Variants in DAB1 observed in about 807,000 individuals in gnomAD.
DAB1 encodes DAB adaptor protein 1.
DAB1 carries 15 observed loss-of-function variants against 64.6 expected under a neutral mutation model. The observed-to-expected ratio is 0.23, with a 90% CI of 0.16 to 0.36. The LOEUF (loss-of-function observed/expected upper bound fraction) is 0.36. Ranked by LOEUF, DAB1 falls within the 10% of genes least tolerant of loss-of-function variation. The probability of loss-of-function intolerance (pLI) is 1.00; values close to 1 mark genes in which losing one functional copy is unlikely to be tolerated. For missense variants in DAB1, 596 were observed against 706.7 expected (o/e 0.84, Z 1.78); for synonymous variants, 235 against 251.9 (o/e 0.93, Z 0.64).
At chr1:57,562,296 C>T (rs1645061948) in intron 7 of DAB1, among the ~76,000 whole-genome samples, 1 of 152,198 alleles carries the variant, frequency 6.6e-6, no homozygotes, top group Non-Finnish European at 1.5e-5. Flanking sequence ...TCGCTTGGAC[C>T]AGGGAGACAG....
intron 4 of DAB1, among the ~76,000 whole-genome samples, chr1:57,107,759 A>T (rs1200457057): frequency 2.0e-5 from 3 of 152,204 alleles, no homozygotes; most frequent in African/African-American, 7.2e-5. Flanking sequence ...ACACTAAAGT[A>T]TATAGTCCTA....
chr1:58,259,733 C>T (rs1661007871), intron 4 of DAB1, among the ~76,000 whole-genome samples: 2 of 152,176 alleles, frequency 1.3e-5, no homozygotes, highest in Admixed American at 6.5e-5. Context: ...ATGATTTTGA[C>T]AGACTCTTCC....
At chr1:58,518,744 A>C (rs1217622268) in intron 2 of DAB1, among the ~76,000 whole-genome samples, 1 of 152,190 alleles carries the variant, frequency 6.6e-6, no homozygotes, top group Non-Finnish European at 1.5e-5. Context: ...GGAGAAATTA[A>C]GAATTTAATA....
At chr1:57,425,853 T>C (rs1326831721), upstream of DAB1, among the ~76,000 whole-genome samples, 1 of 152,144 alleles carries the variant, frequency 6.6e-6, no homozygotes, top group East Asian at 1.9e-4. Flanking sequence ...GTGGGGACAA[T>C]TGACACCAGA....
chr1:58,239,627 C>T (rs374239272), intron 4 of DAB1, among the ~76,000 whole-genome samples: 2 of 152,092 alleles, frequency 1.3e-5, no homozygotes, highest in Non-Finnish European at 2.9e-5. Flanking sequence ...TACCAGGGGA[C>T]CCTTTTCGCA....
chr1:58,376,666 G>T (rs1644330525), intron 3 of DAB1, among the ~76,000 whole-genome samples: 1 of 141,988 alleles, frequency 7.0e-6, no homozygotes, highest in African/African-American at 2.6e-5. Context: ...TTGATTTGGG[G>T]TGGAGAGTTC....
rs867763030 is a variant in DAB1, at chr1:57,423,581, A to C, written c.-137+349T>G. 2.6e-5 allele frequency among the ~76,000 whole-genome samples: 4 copies of C among 151,940 alleles called. No individual in the cohort carries two copies. In the Middle Eastern group the frequency reaches 0.01, roughly 388 times the overall value. On this transcript the variant is annotated intron_variant, in intron 1 of 14. Transcript: ENST00000371236. ...CCGATATAGCCAGGACCGCAGGAGG[A>C]AAGAGGGCGCAGGGGGTCTTGGAGA...
intron 1 of DAB1, among the ~76,000 whole-genome samples, chr1:57,327,221 G>T (rs538923013): frequency 2.0e-5 from 3 of 152,046 alleles, no homozygotes; most frequent in African/African-American, 7.2e-5. Flanking sequence ...GATTGCAGGC[G>T]TGAGCTACAA....
At chr1:57,563,049 C>A (rs1645071601) in intron 7 of DAB1, among the ~76,000 whole-genome samples, 1 of 152,104 alleles carries the variant, frequency 6.6e-6, no homozygotes, top group Non-Finnish European at 1.5e-5. Context: ...CCAATCTGGG[C>A]AGGACTACAA....
At chr1:58,329,475 AC>A (rs1662921836) in intron 4 of DAB1, among the ~76,000 whole-genome samples, 1 of 152,278 alleles carries the variant, frequency 6.6e-6, no homozygotes, top group African/African-American at 2.4e-5. Context: ...ATGTAATCTC[AC>A]TTGTGTTATA....
chr1:58,358,580 G>A (rs1481344151), intron 3 of DAB1, among the ~76,000 whole-genome samples: 1 of 152,066 alleles, frequency 6.6e-6, no homozygotes, highest in Non-Finnish European at 1.5e-5. Context: ...TCCTCAGCTC[G>A]AAGACAGAAA....
intron 7 of DAB1, among the ~76,000 whole-genome samples, chr1:57,580,862 G>C (rs1286754539): frequency 6.6e-6 from 1 of 152,206 alleles, no homozygotes; most frequent in Non-Finnish European, 1.5e-5. Flanking sequence ...GAGGTGAACA[G>C]ACTTGCCCAT....
At chr1:58,238,270 C>G (rs1256671235) in intron 4 of DAB1, among the ~76,000 whole-genome samples, 1 of 152,172 alleles carries the variant, frequency 6.6e-6, no homozygotes, top group African/African-American at 2.4e-5. Flanking sequence ...GTCACCTCAC[C>G]CAGTCCAGGA....
At chr1:57,830,224 C>A (rs181922984) in intron 1 of DAB1, among the ~76,000 whole-genome samples, 2 of 152,304 alleles carry the variant, frequency 1.3e-5, no homozygotes, top group Admixed American at 1.3e-4. Flanking sequence ...CAAAGAAAGA[C>A]CATTAAACCT....
At chr1:58,494,790 G>C (rs1320405485) in intron 3 of DAB1, among the ~76,000 whole-genome samples, 1 of 152,182 alleles carries the variant, frequency 6.6e-6, no homozygotes, top group African/African-American at 2.4e-5. Flanking sequence ...AGAGGATGTG[G>C]AGAAATAGGA....
chr1:57,978,043 T>C lies in DAB1; in HGVS notation n.388-93881A>G, dbSNP rs140965222. 2.0e-5 allele frequency among the ~76,000 whole-genome samples: 3 copies of C among 152,268 alleles called. No homozygotes were observed. The East Asian group carries it at 5.8e-4, about 29-fold the overall frequency. On this transcript the variant is annotated intron_variant and non_coding_transcript_variant, in intron 5 of 20. Coordinates refer to the DAB1 transcript ENST00000485760. ...CCCAACAAGCTACCACTGATTTTCT[T>C]CACAGAATTGCAAAAAAATTACTTT...
chr1:57,288,073 G>A (rs1196054125), intron 2 of DAB1, among the ~76,000 whole-genome samples: 1 of 152,192 alleles, frequency 6.6e-6, no homozygotes, highest in East Asian at 1.9e-4. Context: ...AGGGATTACA[G>A]GCGTGAGCCA....
chr1:57,349,140 C>T (rs1367351470), intron 1 of DAB1, among the ~76,000 whole-genome samples: 1 of 152,164 alleles, frequency 6.6e-6, no homozygotes, highest in African/African-American at 2.4e-5. Context: ...GTGGGGCTTT[C>T]TTCATCCTGT....
At chr1:57,825,090 C>G (rs991026344), downstream of DAB1, among the ~76,000 whole-genome samples, 2 of 152,182 alleles carry the variant, frequency 1.3e-5, no homozygotes, top group African/African-American at 4.8e-5. Context: ...TCAGAAGTAA[C>G]GTGAAAAGGG....
Sources: gnomAD v4.1 joint callset for allele counts (sites outside exome capture counted in the v4.1 genomes callset) on GRCh38, gnomAD v4.1.1 for gene constraint, MANE v1.5 for transcripts, NCBI Gene and HGNC (gene_info 2026-07-23, HGNC 2026-07-21) for gene names.